RNF130: variants seen among roughly 807,000 people sequenced by gnomAD.
The protein encoded by RNF130 is ring finger protein 130.
Under a neutral mutation model 44.6 loss-of-function variants are expected in RNF130, and 21 were observed. That is an observed-to-expected ratio of 0.47 (90% CI 0.33 to 0.68). The LOEUF is 0.68. RNF130 is among the 30% of genes least tolerant of loss of function. The pLI is 0.02. For synonymous variants in RNF130, 214 were observed against 210.4 expected (o/e 1.02, Z -0.15); for missense variants, 479 against 560.6 (o/e 0.85, Z 1.47).
rs556254024 is a variant in RNF130 at position 180,049,862 on chromosome 5, T to C, written c.248-9215A>G. Among the ~76,000 whole-genome samples the C allele has an allele frequency of 6.6e-5, 10 of 152,304 alleles. No homozygotes were observed. The South Asian group carries it at 2.1e-3, about 32-fold the overall frequency. On this transcript the variant is annotated intron_variant, in intron 1 of 8. Coordinates refer to ENST00000521389, the MANE Select transcript of RNF130 (RefSeq NM_018434.6). The stretch of plus-strand genomic sequence containing the variant: ...TCTGAATATATTGACCGAATTTCAT[T>C]TCCCCCTTTTCCTCATCTATATATT...
In RNF130 at chr5:179,970,526, T is replaced by A; in HGVS notation, c.849-20A>T. 1.9e-6 allele frequency: 3 copies of A among 1,573,396 alleles called. No homozygotes were observed. The highest frequency in any genetic ancestry group is 2.6e-6 in the Non-Finnish European group (3 of 1,152,006). On this transcript the variant is annotated intron_variant, in intron 5 of 8. Transcript: ENST00000521389. ...ACATGCCTATAAAATAATGGAGAAT[T>A]ATGTCACAAGTTACATACCAAGAAA...
chr5:179,918,067 G>A (rs1015122855), exon 8 of RNF130: 2 of 152,148 alleles, frequency 1.3e-5, no homozygotes, highest in Non-Finnish European at 2.9e-5. Flanking sequence ...TTCCTGAAGA[G>A]CATGGCCTTA....
At chr5:179,976,938 T>A (rs1353342397) in intron 5 of RNF130, 1 of 152,220 alleles carries the variant, frequency 6.6e-6, no homozygotes, top group African/African-American at 2.4e-5. Context: ...CTCAGAACTG[T>A]GTATCTTAGT....
chr5:180,013,413 A>G (rs955507471), intron 2 of RNF130, 102 bp from the exon 3 acceptor site: 39 of 1,069,318 alleles, frequency 3.6e-5, no homozygotes, highest in Non-Finnish European at 5.1e-5. Context: ...ATGTCTGGTA[A>G]TGGAAAGGGT....
At chr5:179,936,682 A>G (rs1761895185) in intron 7 of RNF130, among the ~76,000 whole-genome samples, 1 of 152,238 alleles carries the variant, frequency 6.6e-6, no homozygotes, top group African/African-American at 2.4e-5. Context: ...GAAAAAGGAA[A>G]AACAAAGCTG....
intron 1 of RNF130, among the ~76,000 whole-genome samples, chr5:180,060,355 G>A (rs1764943592): frequency 6.6e-6 from 1 of 152,212 alleles, no homozygotes; most frequent in Non-Finnish European, 1.5e-5. Context: ...GTGGCTCCTG[G>A]CCTAGCCAAT....
intron 3 of RNF130, among the ~76,000 whole-genome samples, chr5:180,006,849 GA>G (rs1763472596): frequency 6.6e-6 from 1 of 152,144 alleles, no homozygotes; most frequent in African/African-American, 2.4e-5. Context: ...GACTTAATTT[GA>G]CAGCGACATT....
At chr5:180,043,408 G>A (rs1764474099) in intron 1 of RNF130, among the ~76,000 whole-genome samples, 2 of 152,050 alleles carry the variant, frequency 1.3e-5, no homozygotes, top group Non-Finnish European at 2.9e-5. Context: ...TTCATCCTAT[G>A]TTGTCTTGGT....
At chr5:179,966,228 AT>A (rs1275406606) in intron 7 of RNF130, among the ~76,000 whole-genome samples, 1 of 151,488 alleles carries the variant, frequency 6.6e-6, no homozygotes, top group Non-Finnish European at 1.5e-5. Context: ...AGCTCACGGT[AT>A]TTTTTTTTCA....
Position 180,009,218 on chromosome 5 carries a change from A to C in RNF130, c.693+3843T>G, listed in dbSNP as rs901892360. Among the ~76,000 whole-genome samples the C allele has an allele frequency of 3.9e-5, 6 of 152,302 alleles. No homozygotes were observed. In the East Asian group the frequency reaches 9.6e-4, roughly 24 times the overall value. The stretch of plus-strand genomic sequence containing the variant: ...TAAGTAAAGAATTTTTAGACTTGAC[A>C]CCAAAAGCACAATTCATAAAAGAAA... On this transcript the variant is annotated intron_variant, in intron 3 of 8. Transcript: ENST00000521389.
intron 3 of RNF130, among the ~76,000 whole-genome samples, chr5:179,982,039 T>C (rs1039239555): frequency 6.6e-6 from 1 of 152,116 alleles, no homozygotes; most frequent in Non-Finnish European, 1.5e-5. Context: ...CCAAACTTCT[T>C]TGTGCCCCTT....
At chr5:180,000,875 G>C (rs556307030) in intron 3 of RNF130, among the ~76,000 whole-genome samples, 1 of 152,216 alleles carries the variant, frequency 6.6e-6, no homozygotes, top group South Asian at 2.1e-4. Flanking sequence ...AATTCATTAA[G>C]TTTTTTCCCA....
At chr5:179,921,732 G>A (rs1761633989) in intron 7 of RNF130, among the ~76,000 whole-genome samples, 1 of 152,176 alleles carries the variant, frequency 6.6e-6, no homozygotes, top group Non-Finnish European at 1.5e-5. Context: ...AGGAGGTGGA[G>A]GTTGCAGTGA....
At chr5:180,045,386 C>A (rs1238644476) in intron 1 of RNF130, among the ~76,000 whole-genome samples, 1 of 152,150 alleles carries the variant, frequency 6.6e-6, no homozygotes, top group Non-Finnish European at 1.5e-5. Flanking sequence ...GGTTCGTGGT[C>A]TCACTGACTT....
chr5:179,916,418 C>G (rs1761545812), exon 8 of RNF130: 1 of 152,128 alleles, frequency 6.6e-6, no homozygotes, highest in South Asian at 2.1e-4. Flanking sequence ...TAGCGTGTAG[C>G]TCGAACGGAT....
intron 7 of RNF130, among the ~76,000 whole-genome samples, chr5:179,946,591 TCGC>T (rs1762042525): frequency 6.6e-6 from 1 of 151,176 alleles, no homozygotes; most frequent in Non-Finnish European, 1.5e-5. Flanking sequence ...TCTCGCTCTG[TCGC>T]CCAGGCTGGA....
Position 180,071,617 on chromosome 5 carries a change from T to C in RNF130, c.86A>G (p.Asn29Ser). The change falls in exon 1 of 9, where the codon AAC (asparagine) becomes AGC (serine). Residue 29 changes from asparagine (N) to serine (S), a missense_variant. Asn to Ser is a conservative substitution (Grantham distance 46). Around this residue, in one of 3 missense-constraint regions of RNF130, gnomAD observed 138 missense variants for 126.9 expected, o/e 1.09. Coordinates refer to ENST00000521389, the MANE Select transcript of RNF130 (RefSeq NM_018434.6). ...CGCCGTGTAGTACTCCTGGCTCGCG[T>C]TGTCTGCCCGTGCCGGCCACAGGCT... is the stretch of plus-strand genomic sequence containing the variant. ...TCSLWPARAD[N>S]ASQEYYTALI... The C allele has an allele frequency of 1.3e-6, 2 of 1,505,342 alleles. No individual in the cohort carries two copies. The highest frequency in any genetic ancestry group is 1.8e-6 in the Non-Finnish European group (2 of 1,125,984). The allele number at this position is 1,505,342 out of a possible 1,614,324, so 93.2% of individuals were successfully genotyped here. A position where few individuals can be genotyped will look rare whatever the true frequency, so the allele number is the denominator to read the frequency against.
intron 8 of RNF130, 128 bp downstream of exon 8, chr5:179,963,343 G>A: frequency 1.5e-6 from 1 of 673,444 alleles, no homozygotes; most frequent in Non-Finnish European, 2.7e-6. Flanking sequence ...TATTTTGCTA[G>A]ATACGATCCC....
At chr5:180,052,980 A>G (rs1294004217) in intron 1 of RNF130, among the ~76,000 whole-genome samples, 2 of 152,194 alleles carry the variant, frequency 1.3e-5, no homozygotes, top group Non-Finnish European at 2.9e-5. Flanking sequence ...TGGAAAGCAC[A>G]CTATTATTCA....
Sources: gnomAD v4.1 joint callset for allele counts (sites outside exome capture counted in the v4.1 genomes callset) on GRCh38, gnomAD v4.1.1 for gene constraint, gnomAD v4.1.1 regional missense constraint, MANE v1.5 for transcripts, NCBI Gene and HGNC (gene_info 2026-07-23, HGNC 2026-07-21) for gene names.